The following SMAD2 variants were observed in gnomAD, a reference collection of about 807,000 sequenced individuals.
SMAD2 encodes the protein MAD homolog 2.
SMAD2 carries 8 observed loss-of-function variants against 64.4 expected under a neutral mutation model. That is an observed-to-expected ratio of 0.12 (90% CI 0.07 to 0.22). The LOEUF (loss-of-function observed/expected upper bound fraction) is 0.22, where lower values mean the gene tolerates loss of function less well. Ranked by LOEUF, SMAD2 falls within the 10% of genes least tolerant of loss-of-function variation. The pLI is 1.00. For synonymous variants in SMAD2, 203 were observed against 195.8 expected (o/e 1.04, Z -0.31); for missense variants, 289 against 561.2 (o/e 0.51, Z 4.90).
At chr18:47,860,441 TA>T (rs1169420468) in intron 6 of SMAD2, among the ~76,000 whole-genome samples, 4,243 of 147,472 alleles carry the variant, frequency 0.029, 197 homozygotes, top group African/African-American at 0.097. Flanking sequence ...CTGGCTAATT[TA>T]AAAAAAAAAA....
intron 1 of SMAD2, among the ~76,000 whole-genome samples, chr18:47,916,738 G>T (rs1378776139): frequency 6.6e-6 from 1 of 152,170 alleles, no homozygotes; most frequent in Non-Finnish European, 1.5e-5. Context: ...TCATAATCTA[G>T]TGAAGTTTCT....
At chr18:47,915,606 T>A (rs745820250) in intron 1 of SMAD2, among the ~76,000 whole-genome samples, 15 of 152,214 alleles carry the variant, frequency 9.9e-5, no homozygotes, top group Non-Finnish European at 1.6e-4. Context: ...ACATTTTACA[T>A]GCAACCTAGT....
Position 47,831,914 on chromosome 18 carries a change from GCTTA to G in SMAD2, c.*9909_*9912del, listed in dbSNP as rs911255961. Reference sequence around the variant, plus strand: ...TGTAAACTTATAATTTTTAGGTTGGGCTTACTATTTTGATGAGAAGGGTGAATCT... The same window carrying G: ...TGTAAACTTATAATTTTTAGGTTGGGCTATTTTGATGAGAAGGGTGAATCT... On this transcript the variant is annotated 3_prime_UTR_variant, in exon 11 of 11. Coordinates refer to ENST00000262160, the MANE Select transcript of SMAD2 (RefSeq NM_005901.6). 2.0e-5 allele frequency: 2 copies of G among 97,990 alleles called. No homozygotes were observed. Among genetic ancestry groups the G allele is most frequent in the African/African-American group, 3.8e-5 (1 of 26,468 alleles). 6.1% of individuals were successfully genotyped at this position (97,990 alleles called of 1,614,324 possible). A position where few individuals can be genotyped will look rare whatever the true frequency, so the allele number is the denominator to read the frequency against.
chr18:47,845,050 C>G (rs559741606), intron 10 of SMAD2: 26 of 576,764 alleles, frequency 4.5e-5, no homozygotes, highest in Admixed American at 2.3e-4. Context: ...GTGCAAACAT[C>G]TCTCCTTCCA....
chr18:47,874,598 C>T (rs532163982), intron 2 of SMAD2, among the ~76,000 whole-genome samples: 2 of 152,100 alleles, frequency 1.3e-5, no homozygotes, highest in East Asian at 3.9e-4. Flanking sequence ...CAGAAAAAGT[C>T]CCAACAAAAA....
rs569193827 is a variant in SMAD2 at position 47,820,196 on chromosome 18, C to A, written c.*21631G>T. The A allele has an allele frequency of 1.3e-4, 19 of 151,824 alleles. No homozygotes were observed. In the South Asian group the frequency reaches 3.1e-3, roughly 25 times the overall value. The allele number at this position is 151,824 out of a possible 1,614,324, so 9.4% of individuals were successfully genotyped here. On this transcript the variant is annotated 3_prime_UTR_variant, in exon 11 of 11. Transcript: ENST00000262160. ...TATAGAAAGACTAAATATATTTGGG[C>A]CTATTAATATACAAAGTTATAAGGA...
intron 2 of SMAD2, among the ~76,000 whole-genome samples, chr18:47,880,433 C>G (rs2032518671): frequency 6.6e-6 from 1 of 152,208 alleles, no homozygotes; most frequent in Non-Finnish European, 1.5e-5. Flanking sequence ...TGTTGAAAAT[C>G]ATATAGGCAC....
chr18:47,869,143 GA>G, intron 4 of SMAD2, 99 bp downstream of exon 4: 1 of 833,894 alleles, frequency 1.2e-6, no homozygotes, highest in South Asian at 1.6e-5. Flanking sequence ...TAATTTATTA[GA>G]ATTTACACTA....
At chr18:47,915,042 T>C (rs1369983498) in intron 1 of SMAD2, among the ~76,000 whole-genome samples, 1 of 152,210 alleles carries the variant, frequency 6.6e-6, no homozygotes, top group Admixed American at 6.5e-5. Flanking sequence ...TCTTGGTTTT[T>C]ATTGTAAATG....
At chr18:47,918,028 T>C (rs2034403678) in intron 1 of SMAD2, among the ~76,000 whole-genome samples, 1 of 151,956 alleles carries the variant, frequency 6.6e-6, no homozygotes, top group African/African-American at 2.4e-5. Context: ...CACAGAAACC[T>C]CAAAAAGTTA....
intron 1 of SMAD2, among the ~76,000 whole-genome samples, chr18:47,915,871 C>G (rs1373882617): frequency 7.9e-5 from 12 of 152,132 alleles, no homozygotes; most frequent in Non-Finnish European, 1.6e-4. Context: ...TTTACCTGTT[C>G]CAGAAATTCA....
intron 5 of SMAD2, among the ~76,000 whole-genome samples, chr18:47,867,638 C>A (rs979949241): frequency 7.3e-6 from 1 of 137,428 alleles, no homozygotes; most frequent in Non-Finnish European, 1.6e-5. Flanking sequence ...AGAAAAGTAA[C>A]AAAGTATTAG....
chr18:47,916,205 G>C (rs2034328044), intron 1 of SMAD2, among the ~76,000 whole-genome samples: 1 of 152,146 alleles, frequency 6.6e-6, no homozygotes, highest in Non-Finnish European at 1.5e-5. Flanking sequence ...TGAGAATGCA[G>C]CCTATATCCC....
At position 47,814,764 on chromosome 18, in the gene SMAD2, A is replaced by G. The variant is rs1912315090; in HGVS notation, c.*27063T>C. The G allele has an allele frequency of 1.3e-5, 2 of 152,296 alleles. No individual in the cohort carries two copies. The highest frequency in any genetic ancestry group is 2.9e-5 in the Non-Finnish European group (2 of 68,104). The allele number at this position is 152,296 out of a possible 1,614,324, so 9.4% of individuals were successfully genotyped here. On this transcript the variant is annotated 3_prime_UTR_variant, in exon 11 of 11. Coordinates refer to ENST00000262160, the MANE Select transcript of SMAD2 (RefSeq NM_005901.6). Reference sequence around the variant, plus strand: ...GAAGGAGGTGTCTAGTCAGTCTGAGAAAATGTTGGCTTCCCAAAGCTTGAG... The same window carrying G: ...GAAGGAGGTGTCTAGTCAGTCTGAGGAAATGTTGGCTTCCCAAAGCTTGAG...
rs1913617774 is a variant in SMAD2 at position 47,838,180 on chromosome 18, T to A, written c.*3647A>T. 8.6e-6 allele frequency: 2 copies of A among 232,806 alleles called. No homozygotes were observed. Among genetic ancestry groups the A allele is most frequent in the African/African-American group, 2.2e-5 (1 of 45,290 alleles). 14.4% of individuals were successfully genotyped at this position (232,806 alleles called of 1,614,324 possible). On this transcript the variant is annotated 3_prime_UTR_variant, in exon 11 of 11. Transcript: ENST00000262160. ...TAAATTGACAAGGGCACAAAAAAAG[T>A]GAAATTAAAATAATTTTAACAAAAG...
chr18:47,904,030 T>A (rs1401347941), intron 1 of SMAD2, among the ~76,000 whole-genome samples: 1 of 151,768 alleles, frequency 6.6e-6, no homozygotes, highest in Admixed American at 6.6e-5. Flanking sequence ...AATCCACATA[T>A]GGAAAGAAAA....
chr18:47,814,522 T>C lies in SMAD2; in HGVS notation c.*27305A>G, dbSNP rs532692024. On this transcript the variant is annotated 3_prime_UTR_variant, in exon 11 of 11. Transcript: ENST00000262160. The stretch of plus-strand genomic sequence containing the variant: ...GTCTCTTCATTAGGCAGGAGTGGAA[T>C]GACTCCCAGGGCAGGGAGAGATTGA... The C allele has an allele frequency of 6.6e-6, 1 of 152,324 alleles. No homozygotes were observed. Among genetic ancestry groups the C allele is most frequent in the African/African-American group, 2.4e-5 (1 of 41,572 alleles). The allele number at this position is 152,324 out of a possible 1,614,324, so 9.4% of individuals were successfully genotyped here. A position where few individuals can be genotyped will look rare whatever the true frequency, so the allele number is the denominator to read the frequency against.
rs543494480 is a variant in SMAD2, at chr18:47,816,754, T to G, written c.*25073A>C. On this transcript the variant is annotated 3_prime_UTR_variant, in exon 11 of 11. Coordinates refer to ENST00000262160, the MANE Select transcript of SMAD2 (RefSeq NM_005901.6). ...CCCTGAATACACACGTAGTTTACCA[T>G]GACATGGGTCTTTTTTTTTTTTTTT... 1.3e-5 allele frequency: 2 copies of G among 148,820 alleles called. No individual in the cohort carries two copies. Among genetic ancestry groups the G allele is most frequent in the Admixed American group, 1.4e-4 (2 of 14,554 alleles). The allele number at this position is 148,820 out of a possible 1,614,324, so 9.2% of individuals were successfully genotyped here.
At chr18:47,919,936 T>C (rs4940086) in intron 1 of SMAD2, 39,337 of 152,210 alleles carry the variant, frequency 0.26, 6,304 homozygotes, top group East Asian at 0.39. Flanking sequence ...AGAAACAGGA[T>C]GCAAACCACA....
Sources: allele counts gnomAD v4.1 joint callset (sites outside exome capture counted in the v4.1 genomes callset), GRCh38; gene constraint gnomAD v4.1.1; transcripts MANE v1.5; gene names NCBI Gene and HGNC (gene_info 2026-07-23, HGNC 2026-07-21).